DIP2B: variants seen among roughly 807,000 people sequenced by gnomAD.
DIP2B encodes disco-interacting protein 2 homolog B.
DIP2B carries 76 observed loss-of-function variants against 198.0 expected under a neutral mutation model. The ratio of observed to expected loss-of-function variants is 0.38; its 90% CI spans 0.32 to 0.46. The LOEUF (loss-of-function observed/expected upper bound fraction) is 0.46. DIP2B is among the 20% of genes least tolerant of loss of function. The pLI is 0.99. For missense variants in DIP2B, 1,559 were observed against 1,978.4 expected (o/e 0.79, Z 4.02); for synonymous variants, 701 against 739.1 (o/e 0.95, Z 0.84).
At chr12:50,716,958 C>CTTTTTTTTTTTTTTTTGTTTTT (rs1939732994) in intron 23 of DIP2B, among the ~76,000 whole-genome samples, 1 of 58,924 alleles carries the variant, frequency 1.7e-5, no homozygotes. Context: ...CGAATTGTTG[C>CTTTTTTTTTTTTTTTTGTTTTT]TTTTTTTTTT....
chr12:50,611,191 T>C (rs1959029090), intron 1 of DIP2B, among the ~76,000 whole-genome samples: 2 of 152,184 alleles, frequency 1.3e-5, no homozygotes, highest in Admixed American at 6.5e-5. Flanking sequence ...CTCCTAAACA[T>C]TGGCGGATAG....
At chr12:50,528,293 A>G (rs949379100) in intron 1 of DIP2B, among the ~76,000 whole-genome samples, 2 of 151,008 alleles carry the variant, frequency 1.3e-5, no homozygotes, top group African/African-American at 4.9e-5. Context: ...AATGAAGATG[A>G]TAATAGTATC....
rs578168040 is a variant in DIP2B at position 50,522,142 on chromosome 12, A to C, written c.100+16902A>C. ...CAGCCCGCTGAGTAGCTGGGATTAC[A>C]GGTATGTGCCACCACACCCAGCTAA... On this transcript the variant is annotated intron_variant, in intron 1 of 37. Coordinates refer to ENST00000301180, the MANE Select transcript of DIP2B (RefSeq NM_173602.3). Among the ~76,000 whole-genome samples the C allele has an allele frequency of 4.6e-5, 7 of 152,070 alleles. No homozygotes were observed. The East Asian group carries it at 1.4e-3, about 29-fold the overall frequency.
intron 3 of DIP2B, among the ~76,000 whole-genome samples, chr12:50,641,881 G>T (rs1315285692): frequency 6.6e-6 from 1 of 152,152 alleles, no homozygotes; most frequent in Non-Finnish European, 1.5e-5. Context: ...GCAGAATTAA[G>T]CAAAAAGACT....
intron 1 of DIP2B, among the ~76,000 whole-genome samples, chr12:50,506,517 A>G (rs1176997863): frequency 6.6e-6 from 1 of 152,206 alleles, no homozygotes; most frequent in Non-Finnish European, 1.5e-5. Flanking sequence ...TTAATAACCC[A>G]ATGTGTAGGA....
intron 26 of DIP2B, among the ~76,000 whole-genome samples, chr12:50,722,253 G>GTTTATTTTATTTTATTTTATTTTAT (rs147287033): frequency 9.1e-5 from 13 of 143,174 alleles, no homozygotes; most frequent in African/African-American, 3.5e-4. Context: ...TTGTTTGTTT[G>GTTTATTTTATTTTATTTTATTTTAT]TTTATTTTAT....
intron 1 of DIP2B, among the ~76,000 whole-genome samples, chr12:50,572,181 A>T (rs1958620767): frequency 6.6e-6 from 1 of 152,134 alleles, no homozygotes; most frequent in Non-Finnish European, 1.5e-5. Flanking sequence ...CTTTATCCTC[A>T]TGTGTGTTCC....
rs1940370616 is a variant in DIP2B at position 50,748,526 on chromosome 12, G to T, written c.*3687G>T. On this transcript the variant is annotated 3_prime_UTR_variant, in exon 38 of 38. Transcript: ENST00000301180. ...TCAAACTACAGTACTGTGTAATTAT[G>T]TATAAAGTTTTTTTATTTATTTGAA... is the stretch of plus-strand genomic sequence containing the variant. 1 of 152,624 alleles carries T rather than the reference G, an allele frequency of 6.6e-6. No individual in the cohort carries two copies. Among genetic ancestry groups the T allele is most frequent in the African/African-American group, 2.4e-5 (1 of 41,450 alleles). The allele number at this position is 152,624 out of a possible 1,614,324, so 9.5% of individuals were successfully genotyped here. A position where few individuals can be genotyped will look rare whatever the true frequency, so the allele number is the denominator to read the frequency against.
At chr12:50,623,572 A>G (rs1937871649) in intron 1 of DIP2B, among the ~76,000 whole-genome samples, 2 of 151,614 alleles carry the variant, frequency 1.3e-5, no homozygotes, top group Non-Finnish European at 2.9e-5. Context: ...AGGATAAACA[A>G]TTTAGTATAT....
At chr12:50,702,629 G>A (rs983982111) in intron 19 of DIP2B, among the ~76,000 whole-genome samples, 2 of 151,110 alleles carry the variant, frequency 1.3e-5, no homozygotes, top group South Asian at 2.1e-4. Context: ...AGTGTGACAC[G>A]GGGGATCACA....
At chr12:50,685,492 C>T (rs1939116455) in intron 10 of DIP2B, among the ~76,000 whole-genome samples, 1 of 152,092 alleles carries the variant, frequency 6.6e-6, no homozygotes. Flanking sequence ...TGGAGTGAGG[C>T]TAGGGGAAGA....
At position 50,573,070 on chromosome 12, in the gene DIP2B, C is replaced by T. The variant is rs558831085; in HGVS notation, c.101-52906C>T. Among the ~76,000 whole-genome samples, 19 of 152,314 alleles carry T rather than the reference C, an allele frequency of 1.2e-4. 1 individual carries two copies. The highest frequency in any genetic ancestry group is 4.1e-4 in the African/African-American group (17 of 41,566). Reference sequence around the variant, plus strand: ...AAGAAATAAAGCCGCAGAGGGTGTTCTGTGTTTCCATTCCAGCTGAACTAA... The same window carrying T: ...AAGAAATAAAGCCGCAGAGGGTGTTTTGTGTTTCCATTCCAGCTGAACTAA... On this transcript the variant is annotated intron_variant, in intron 1 of 37. Transcript: ENST00000301180.
At position 50,741,439 on chromosome 12, in the gene DIP2B, G is replaced by T. The variant is rs1383431281; in HGVS notation, c.4378G>T (p.Val1460Leu). ...TGERHDALYV[V>L]GALDETLELR... is the part of the protein sequence containing the mutation. ...AGAGCGTCATGATGCATTGTATGTG[G>T]TGGGAGCGCTGGATGAAACACTGGA... The change falls in exon 37 of 38, where the codon GTG becomes TTG. Residue 1460 changes from valine (V) to leucine (L), a missense_variant. By Grantham distance (32) the Val-to-Leu change is conservative. Transcript: ENST00000301180. The T allele has an allele frequency of 1.2e-6, 2 of 1,613,906 alleles. No individual in the cohort carries two copies. Among genetic ancestry groups the T allele is most frequent in the African/African-American group, 2.7e-5 (2 of 74,922 alleles).
intron 34 of DIP2B, among the ~76,000 whole-genome samples, chr12:50,736,314 C>T (rs1012857928): frequency 6.6e-6 from 1 of 152,184 alleles, no homozygotes; most frequent in African/African-American, 2.4e-5. Context: ...CTAAGGGAAC[C>T]GTCTCATCTC....
intron 1 of DIP2B, among the ~76,000 whole-genome samples, chr12:50,537,210 C>T (rs1958278804): frequency 7.1e-6 from 1 of 141,738 alleles, no homozygotes; most frequent in East Asian, 2.2e-4. Flanking sequence ...ATCCACCTGC[C>T]TTGGCCTCCC....
intron 1 of DIP2B, among the ~76,000 whole-genome samples, chr12:50,575,785 T>C (rs1468057772): frequency 6.6e-6 from 1 of 151,614 alleles, no homozygotes; most frequent in Non-Finnish European, 1.5e-5. Context: ...TGAGATGGAG[T>C]CTTGCTTTGT....
At chr12:50,678,991 T>G in intron 8 of DIP2B, 115 bp downstream of exon 8, 1 of 1,219,790 alleles carries the variant, frequency 8.2e-7, no homozygotes, top group South Asian at 1.5e-5. Context: ...GTAGATTTTT[T>G]CAATAATTTA....
At chr12:50,574,557 GA>G (rs1958641813) in intron 1 of DIP2B, among the ~76,000 whole-genome samples, 1 of 142,100 alleles carries the variant, frequency 7.0e-6, no homozygotes, top group Admixed American at 7.3e-5. Context: ...TGAGGAAGAA[GA>G]GCATGAACAG....
intron 1 of DIP2B, among the ~76,000 whole-genome samples, chr12:50,547,961 T>G (rs913518337): frequency 2.0e-5 from 3 of 152,124 alleles, no homozygotes; most frequent in Admixed American, 2.0e-4. Context: ...TCTAGCTACT[T>G]GGGAGGCTGC....
Sources: allele counts gnomAD v4.1 joint callset (sites outside exome capture counted in the v4.1 genomes callset), GRCh38; gene constraint gnomAD v4.1.1; transcripts MANE v1.5; gene names NCBI Gene and HGNC (gene_info 2026-07-23, HGNC 2026-07-21).